The following GRAMD2B variants were observed in gnomAD, a reference collection of about 807,000 sequenced individuals.
GRAMD2B encodes the protein GRAM domain-containing protein 2B.
Under a neutral mutation model 59.2 loss-of-function variants are expected in GRAMD2B, and 41 were observed. The observed-to-expected ratio is 0.69, with a 90% confidence interval of 0.54 to 0.90. The LOEUF (loss-of-function observed/expected upper bound fraction) is 0.90. GRAMD2B is among the 40% of genes least tolerant of loss of function. GRAMD2B has a pLI of 0.00. For synonymous variants in GRAMD2B, 161 were observed against 182.7 expected, an observed-to-expected ratio of 0.88 and a Z score of 0.96; for missense variants, 424 against 500.5, an observed-to-expected ratio of 0.85 and a Z score of 1.46.
intron 1 of GRAMD2B, among the ~76,000 whole-genome samples, chr5:126,430,359 A>G (rs1461299698): frequency 6.6e-6 from 1 of 152,194 alleles, no homozygotes. Flanking sequence ...ATTTGTAACA[A>G]CTTTATTGAG....
intron 1 of GRAMD2B, among the ~76,000 whole-genome samples, chr5:126,372,688 G>C (rs1472455205): frequency 6.6e-6 from 1 of 152,060 alleles, no homozygotes; most frequent in Non-Finnish European, 1.5e-5. Flanking sequence ...ATTAGTAGTT[G>C]AGCAAGGGTA....
At chr5:126,389,051 T>C (rs1349163877) in intron 1 of GRAMD2B, among the ~76,000 whole-genome samples, 1 of 152,108 alleles carries the variant, frequency 6.6e-6, no homozygotes, top group Non-Finnish European at 1.5e-5. Context: ...TTACTAACAA[T>C]AATTCTTATT....
chr5:126,423,715 C>A, intron 1 of GRAMD2B, 26 bp downstream of exon 1: 2 of 1,585,504 alleles, frequency 1.3e-6, no homozygotes, highest in Non-Finnish European at 1.7e-6. Context: ...TGGGACCCAT[C>A]CAAGGAGGTG....
At chr5:126,400,606 T>C (rs1757743744) in intron 1 of GRAMD2B, among the ~76,000 whole-genome samples, 1 of 152,290 alleles carries the variant, frequency 6.6e-6, no homozygotes, top group South Asian at 2.1e-4. Flanking sequence ...TCATTCAACA[T>C]GAAGAATGCC....
At chr5:126,394,688 G>T (rs1757205048) in intron 1 of GRAMD2B, among the ~76,000 whole-genome samples, 1 of 152,130 alleles carries the variant, frequency 6.6e-6, no homozygotes, top group African/African-American at 2.4e-5. Context: ...AAATAGTCAG[G>T]GTTCCTGCTC....
rs1198284258 is a variant in GRAMD2B at position 126,423,450 on chromosome 5, A to G, written c.-157A>G. The stretch of plus-strand genomic sequence containing the variant: ...ACGTGTCCAGGTCCGCGGCCCCGGG[A>G]GCTTGGCGCGGCCCGGCCTGGATGC... On this transcript the variant is annotated 5_prime_UTR_variant, in exon 1 of 14. Coordinates refer to ENST00000285689, the MANE Select transcript of GRAMD2B (RefSeq NM_023927.4). 4 of 1,418,172 alleles carry G rather than the reference A, an allele frequency of 2.8e-6. No homozygotes were observed. The highest frequency in any genetic ancestry group is 2.7e-6 in the Non-Finnish European group (3 of 1,092,146). 87.8% of individuals were successfully genotyped at this position (1,418,172 alleles called of 1,614,324 possible). A position where few individuals can be genotyped will look rare whatever the true frequency, so the allele number is the denominator to read the frequency against.
At chr5:126,429,307 C>G (rs1399033865) in intron 1 of GRAMD2B, among the ~76,000 whole-genome samples, 1 of 152,162 alleles carries the variant, frequency 6.6e-6, no homozygotes, top group Non-Finnish European at 1.5e-5. Context: ...ACCACATGTT[C>G]TCACTTATAA....
chr5:126,465,453 G>C lies in GRAMD2B; in HGVS notation c.111G>C (p.Glu37Asp), dbSNP rs765081672. Residue 37 changes from glutamate (E) to aspartate (D), a missense_variant, in exon 2 of 14, where the codon GAG becomes GAC. Glu to Asp is a conservative substitution (Grantham distance 45, BLOSUM62 2). Transcript: ENST00000285689. ...CAGAGGCTGAGAATGGTGTGGAGGAGAAAAAGAAAGCCTGCAGGTCGCCAA... is the reference window on the plus strand; with the variant it reads ...CAGAGGCTGAGAATGGTGTGGAGGACAAAAAGAAAGCCTGCAGGTCGCCAA... ...AHSEAENGVE[E>D]KKKACRSPTA... 5 of 1,614,158 alleles carry C rather than the reference G, an allele frequency of 3.1e-6. No individual in the cohort carries two copies. Among genetic ancestry groups the C allele is most frequent in the Middle Eastern group, 1.7e-4 (1 of 6,060 alleles).
intron 6 of GRAMD2B, among the ~76,000 whole-genome samples, chr5:126,478,045 G>C (rs1400057767): frequency 6.7e-6 from 1 of 150,362 alleles, no homozygotes; most frequent in Non-Finnish European, 1.5e-5. Context: ...AATTATACTT[G>C]CCTGACCAAG....
intron 2 of GRAMD2B, among the ~76,000 whole-genome samples, chr5:126,466,857 T>A (rs1768524242): frequency 1.3e-5 from 2 of 152,226 alleles, no homozygotes; most frequent in South Asian, 4.1e-4. Context: ...TTACTCCAAC[T>A]TCCCCAGGCT....
chr5:126,372,798 G>C (rs980747244), intron 1 of GRAMD2B, among the ~76,000 whole-genome samples: 1 of 152,082 alleles, frequency 6.6e-6, no homozygotes, highest in Non-Finnish European at 1.5e-5. Flanking sequence ...ATTTTGCTGA[G>C]CTTCAAGTGC....
intron 1 of GRAMD2B, among the ~76,000 whole-genome samples, chr5:126,457,191 C>CAAAAAAAAAA (rs559904336): frequency 1.4e-4 from 9 of 63,978 alleles, no homozygotes; most frequent in African/African-American, 3.9e-4. Flanking sequence ...GACTCCGTCT[C>CAAAAAAAAAA]AAAAAAAAAA....
In GRAMD2B at chr5:126,494,090, G is replaced by A. The variant is rs769769907; in HGVS notation, c.*1134G>A. The A allele has an allele frequency of 6.6e-6, 1 of 152,542 alleles. No homozygotes were observed. Among genetic ancestry groups the A allele is most frequent in the African/African-American group, 2.4e-5 (1 of 41,408 alleles). 9.4% of individuals were successfully genotyped at this position (152,542 alleles called of 1,614,324 possible). ...TTGGTTACATCGTTTGTATCTGTTGGCCTAGTGGACAGCTGTGCCTGGTGC... is the reference window on the plus strand; with the variant it reads ...TTGGTTACATCGTTTGTATCTGTTGACCTAGTGGACAGCTGTGCCTGGTGC... On this transcript the variant is annotated 3_prime_UTR_variant, in exon 14 of 14. Coordinates refer to ENST00000285689, the MANE Select transcript of GRAMD2B (RefSeq NM_023927.4).
chr5:126,361,510 T>A lies in GRAMD2B; in HGVS notation c.128+1051T>A, dbSNP rs866419182. ...ATGGTAAAAAAAAAAAAAAAAAAAATTCTGTTTCCTAGCATTGCTAAGAGG... is the reference window on the plus strand; with the variant it reads ...ATGGTAAAAAAAAAAAAAAAAAAAAATCTGTTTCCTAGCATTGCTAAGAGG... On this transcript the variant is annotated intron_variant, in intron 1 of 13. Coordinates refer to the GRAMD2B transcript ENST00000513040. 1.9e-4 allele frequency among the ~76,000 whole-genome samples: 24 copies of A among 129,028 alleles called. No homozygotes were observed. In the South Asian group the frequency reaches 1.9e-3, roughly 10 times the overall value. The allele number at this position is 129,028 out of a possible 152,430, so 84.6% of individuals were successfully genotyped here. A position where few individuals can be genotyped will look rare whatever the true frequency, so the allele number is the denominator to read the frequency against.
intron 1 of GRAMD2B, among the ~76,000 whole-genome samples, chr5:126,417,560 T>C (rs1281695546): frequency 6.6e-6 from 1 of 152,222 alleles, no homozygotes; most frequent in Non-Finnish European, 1.5e-5. Context: ...GCATGAGTGA[T>C]CACAAGTGAC....
intron 1 of GRAMD2B, among the ~76,000 whole-genome samples, chr5:126,438,613 C>T (rs150546382): frequency 6.2e-4 from 94 of 152,050 alleles, no homozygotes; most frequent in African/African-American, 2.1e-3. Context: ...TACGAGCTGA[C>T]GAAATAAAAC....
At chr5:126,483,641 T>TA (rs1052941011) in intron 9 of GRAMD2B, 67 bp downstream of exon 9, 49,885 of 491,568 alleles carry the variant, frequency 0.1, no homozygotes, top group East Asian at 0.14. Flanking sequence ...CCCACCCCCT[T>TA]AAAAAAAAAA....
At chr5:126,485,272 GC>G (rs1341708412) in intron 10 of GRAMD2B, among the ~76,000 whole-genome samples, 1 of 152,042 alleles carries the variant, frequency 6.6e-6, no homozygotes, top group Non-Finnish European at 1.5e-5. Flanking sequence ...GATTGCTTGA[GC>G]CCAGGAGGTC....
intron 1 of GRAMD2B, among the ~76,000 whole-genome samples, chr5:126,392,024 T>A (rs1309999857): frequency 6.6e-6 from 1 of 152,232 alleles, no homozygotes; most frequent in African/African-American, 2.4e-5. Context: ...TTTCCATGAC[T>A]AAATTGGCTT....
Sources: allele counts gnomAD v4.1 joint callset (sites outside exome capture counted in the v4.1 genomes callset), GRCh38; gene constraint gnomAD v4.1.1; transcripts MANE v1.5; gene names NCBI Gene and HGNC (gene_info 2026-07-23, HGNC 2026-07-21).